The following GPSM2 variants were observed in gnomAD, a reference collection of about 807,000 sequenced individuals.
GPSM2 encodes G protein-signaling modulator 2.
Under a neutral mutation model 78.4 loss-of-function variants are expected in GPSM2, and 58 were observed. The ratio of observed to expected loss-of-function variants is 0.74; its 90% CI spans 0.60 to 0.92. The LOEUF (loss-of-function observed/expected upper bound fraction) is 0.92. Ranked by LOEUF, GPSM2 falls within the 40% of genes least tolerant of loss-of-function variation. GPSM2 has a pLI of 0.00. For missense variants in GPSM2, 700 were observed against 815.5 expected, an observed-to-expected ratio of 0.86 and a Z score of 1.73; for synonymous variants, 224 against 280.2, an observed-to-expected ratio of 0.80 and a Z score of 2.00.
intron 1 of GPSM2, among the ~76,000 whole-genome samples, chr1:108,880,579 CAA>C (rs56323759): frequency 8.3e-6 from 1 of 119,992 alleles, no homozygotes; most frequent in Admixed American, 8.1e-5. Flanking sequence ...GACTCCGTCT[CAA>C]AAAAAAAAAA....
In GPSM2 at chr1:108,891,664, AT is replaced by A. The variant is rs58295802; in HGVS notation, c.57-5180del. On this transcript the variant is annotated intron_variant, in intron 2 of 14. Coordinates refer to ENST00000264126, the MANE Select transcript of GPSM2 (RefSeq NM_013296.5). ...AGGTGCATGCCACCACAGCCAGCTA[AT>A]TTTTTTTTTTTTTTTTTTTGGTGGA... Among the ~76,000 whole-genome samples, 681 of 117,176 alleles carry A rather than the reference AT, an allele frequency of 5.8e-3. 1 individual carries two copies. Among genetic ancestry groups the A allele is most frequent in the South Asian group, 0.015 (53 of 3,620 alleles). The allele number at this position is 117,176 out of a possible 152,430, so 76.9% of individuals were successfully genotyped here.
chr1:108,879,823 A>AG (rs979812295), intron 1 of GPSM2, among the ~76,000 whole-genome samples: 3 of 152,112 alleles, frequency 2.0e-5, no homozygotes, highest in South Asian at 2.1e-4. Flanking sequence ...TCAAAAAAAA[A>AG]GGGGGGGCTG....
rs1219904026 is a variant in GPSM2 at position 108,899,010 on chromosome 1, C to A, written c.797+16C>A. The A allele has an allele frequency of 3.0e-6, 4 of 1,346,842 alleles. No individual in the cohort carries two copies. The highest frequency in any genetic ancestry group is 2.3e-5 in the East Asian group (1 of 43,582). 83.4% of individuals were successfully genotyped at this position (1,346,842 alleles called of 1,614,324 possible). On this transcript the variant is annotated intron_variant, in intron 7 of 14. Transcript: ENST00000264126. Reference sequence around the variant, plus strand: ...AATACTACAAGTTAGTCTAATATTTCTGTAGATAAATGTAAAATGAATACT... The same window carrying A: ...AATACTACAAGTTAGTCTAATATTTATGTAGATAAATGTAAAATGAATACT...
At chr1:108,908,839 C>T (rs755711982) in intron 10 of GPSM2, among the ~76,000 whole-genome samples, 3 of 151,438 alleles carry the variant, frequency 2.0e-5, no homozygotes, top group Non-Finnish European at 4.4e-5. Flanking sequence ...CGCCATCTCT[C>T]CAAAAAATTT....
intron 14 of GPSM2, chr1:108,929,493 A>C: frequency 1.7e-6 from 1 of 595,994 alleles, no homozygotes; most frequent in Non-Finnish European, 3.0e-6. Context: ...TTAAAGGAAA[A>C]ATTTTATGCA....
At chr1:108,897,930 A>G (rs750451763) in intron 4 of GPSM2, 29 bp from the exon 5 acceptor site, 7 of 1,611,432 alleles carry the variant, frequency 4.3e-6, no homozygotes, top group Non-Finnish European at 5.9e-6. Flanking sequence ...TGTTTTCAAA[A>G]TGTAAACTTT....
intron 12 of GPSM2, among the ~76,000 whole-genome samples, chr1:108,922,122 G>C (rs1402802887): frequency 2.0e-5 from 3 of 152,122 alleles, no homozygotes; most frequent in African/African-American, 7.2e-5. Context: ...ACTGAATGTA[G>C]AGCCTGAAGT....
intron 1 of GPSM2, among the ~76,000 whole-genome samples, chr1:108,879,222 AC>A (rs1665774793): frequency 6.6e-6 from 1 of 152,194 alleles, no homozygotes; most frequent in African/African-American, 2.4e-5. Context: ...TAGAATCTTT[AC>A]TGTGGAGAAG....
At chr1:108,915,237 G>A (rs1043211790) in intron 11 of GPSM2, among the ~76,000 whole-genome samples, 5 of 150,858 alleles carry the variant, frequency 3.3e-5, no homozygotes, top group African/African-American at 1.2e-4. Context: ...TGGGTGTGGT[G>A]GTGTCCGCCT....
At chr1:108,881,973 A>G (rs1665922566) in intron 1 of GPSM2, among the ~76,000 whole-genome samples, 1 of 152,162 alleles carries the variant, frequency 6.6e-6, no homozygotes. Context: ...TTTTTTAGAG[A>G]CAGGGTCTCA....
Position 108,899,012 on chromosome 1 carries a change from G to A in GPSM2, c.797+18G>A. 1 of 1,310,054 alleles carries A rather than the reference G, an allele frequency of 7.6e-7. No homozygotes were observed. Among genetic ancestry groups the A allele is most frequent in the Non-Finnish European group, 1.1e-6 (1 of 904,594 alleles). The allele number at this position is 1,310,054 out of a possible 1,614,324, so 81.2% of individuals were successfully genotyped here. Reference sequence around the variant, plus strand: ...TACTACAAGTTAGTCTAATATTTCTGTAGATAAATGTAAAATGAATACTCA... The same window carrying A: ...TACTACAAGTTAGTCTAATATTTCTATAGATAAATGTAAAATGAATACTCA... On this transcript the variant is annotated intron_variant, in intron 7 of 14. Transcript: ENST00000264126.
At chr1:108,894,608 G>C (rs1043470909) in intron 2 of GPSM2, among the ~76,000 whole-genome samples, 5 of 152,120 alleles carry the variant, frequency 3.3e-5, no homozygotes, top group African/African-American at 7.2e-5. Context: ...TGAGGCACGA[G>C]AATCACTTGA....
chr1:108,882,046 G>A (rs1665926686), intron 1 of GPSM2, among the ~76,000 whole-genome samples: 1 of 152,070 alleles, frequency 6.6e-6, no homozygotes, highest in African/African-American at 2.4e-5. Flanking sequence ...CCAACTCCTG[G>A]GCTCAAGCAA....
intron 1 of GPSM2, among the ~76,000 whole-genome samples, chr1:108,880,846 CAAAG>C (rs964263542): frequency 2.6e-5 from 4 of 151,970 alleles, no homozygotes; most frequent in African/African-American, 7.2e-5. Context: ...CAAAAACAAA[CAAAG>C]AAACAGACCA....
chr1:108,930,624 C>T lies in GPSM2; in HGVS notation c.*684C>T, dbSNP rs1025556458. On this transcript the variant is annotated 3_prime_UTR_variant, in exon 15 of 15. Coordinates refer to ENST00000264126, the MANE Select transcript of GPSM2 (RefSeq NM_013296.5). ...AAATCAGCAGCCAGGCGCAGTGGCT[C>T]ACACCTGTAATCCCAGCACTTTGGG... The T allele has an allele frequency of 6.6e-6, 1 of 152,498 alleles. No homozygotes were observed. Among genetic ancestry groups the T allele is most frequent in the Non-Finnish European group, 1.5e-5 (1 of 68,492 alleles). 9.4% of individuals were successfully genotyped at this position (152,498 alleles called of 1,614,324 possible). A position where few individuals can be genotyped will look rare whatever the true frequency, so the allele number is the denominator to read the frequency against.
chr1:108,914,188 T>C (rs1220586371), intron 10 of GPSM2, 150 bp from the exon 11 acceptor site: 4 of 607,620 alleles, frequency 6.6e-6, no homozygotes, highest in Non-Finnish European at 8.9e-6. Flanking sequence ...TATAGAAAAT[T>C]ATTATTCTTG....
At chr1:108,904,002 C>G in intron 9 of GPSM2, 123 bp from the exon 10 acceptor site, 1 of 718,904 alleles carries the variant, frequency 1.4e-6, no homozygotes, top group Non-Finnish European at 2.4e-6. Context: ...TCTCATAATT[C>G]TAATATAACT....
intron 2 of GPSM2, among the ~76,000 whole-genome samples, chr1:108,891,904 C>T (rs1169947244): frequency 6.6e-6 from 1 of 152,098 alleles, no homozygotes; most frequent in African/African-American, 2.4e-5. Context: ...TTTCTTCCTT[C>T]TTATTCTATA....
chr1:108,931,256 A>G lies in GPSM2; in HGVS notation c.*1316A>G. 1.4e-6 allele frequency: 2 copies of G among 1,445,542 alleles called. No homozygotes were observed. Among genetic ancestry groups the G allele is most frequent in the Non-Finnish European group, 1.8e-6 (2 of 1,091,406 alleles). 89.5% of individuals were successfully genotyped at this position (1,445,542 alleles called of 1,614,324 possible). On this transcript the variant is annotated 3_prime_UTR_variant, in exon 15 of 15. Coordinates refer to ENST00000264126, the MANE Select transcript of GPSM2 (RefSeq NM_013296.5). Reference sequence around the variant, plus strand: ...GAAAACTCACAAAAATTAAATATGAAAGAAAGATGTCAGCTAGAACCTTAG... The same window carrying G: ...GAAAACTCACAAAAATTAAATATGAGAGAAAGATGTCAGCTAGAACCTTAG...
Sources: allele counts gnomAD v4.1 joint callset (sites outside exome capture counted in the v4.1 genomes callset), GRCh38; gene constraint gnomAD v4.1.1; transcripts MANE v1.5; gene names NCBI Gene and HGNC (gene_info 2026-07-23, HGNC 2026-07-21).